Variants in CELF2 observed in about 807,000 individuals in gnomAD.
CELF2 encodes CUG triplet repeat RNA-binding protein 2.
A neutral mutation model predicts 62.6 loss-of-function variants in CELF2; 8 were observed. That is an observed-to-expected ratio of 0.13 (90% CI 0.07 to 0.23). The LOEUF is 0.23. CELF2 is among the 10% of genes least tolerant of loss of function. The pLI is 1.00. For synonymous variants in CELF2, 258 were observed against 250.0 expected (o/e 1.03, Z -0.30); for missense variants, 333 against 671.0 (o/e 0.50, Z 5.56).
chr10:10,476,747 T>G, the CELF2 span, among the ~76,000 whole-genome samples: 1 of 152,186 alleles, frequency 6.6e-6, no homozygotes, highest in Non-Finnish European at 1.5e-5. Flanking sequence ...CTTTGCATAT[T>G]CTTCAATCAT....
chr10:11,205,276 C>A (rs538293850), intron 2 of CELF2, among the ~76,000 whole-genome samples: 11 of 152,264 alleles, frequency 7.2e-5, no homozygotes, highest in Admixed American at 7.2e-4. Context: ...GCGCAGCCTG[C>A]GGCAGGCCTG....
chr10:10,731,165 C>T, the CELF2 span, among the ~76,000 whole-genome samples: 6 of 152,238 alleles, frequency 3.9e-5, no homozygotes, highest in East Asian at 1.2e-3. Context: ...CAGTAGTCCA[C>T]ATCTGAGGCT....
chr10:10,659,312 T>C, the CELF2 span, among the ~76,000 whole-genome samples: 2 of 152,222 alleles, frequency 1.3e-5, no homozygotes, highest in Non-Finnish European at 2.9e-5. Flanking sequence ...CAGTGAATTG[T>C]TTGCTCTTTA....
chr10:10,522,282 T>C, the CELF2 span, among the ~76,000 whole-genome samples: 32 of 152,254 alleles, frequency 2.1e-4, no homozygotes, highest in African/African-American at 7.2e-4. Context: ...TAATTTTTTA[T>C]AACCATTCAT....
At chr10:11,036,587 G>T (rs374585248) in intron 1 of CELF2, among the ~76,000 whole-genome samples, 3 of 152,206 alleles carry the variant, frequency 2.0e-5, no homozygotes, top group Non-Finnish European at 4.4e-5. Context: ...AGAGATCCTA[G>T]ATAAATAAAT....
At chr10:10,690,857 G>A in the CELF2 span, among the ~76,000 whole-genome samples, 8 of 152,192 alleles carry the variant, frequency 5.3e-5, no homozygotes, top group East Asian at 1.5e-3. Context: ...TTCCAGCCTG[G>A]GTGACAGTGA....
chr10:11,044,320 G>A (rs2062416820), intron 1 of CELF2, among the ~76,000 whole-genome samples: 1 of 152,192 alleles, frequency 6.6e-6, no homozygotes, highest in Non-Finnish European at 1.5e-5. Flanking sequence ...TGCATAGCCT[G>A]GATCGGTTCT....
chr10:11,189,910 C>T (rs1404008953), intron 2 of CELF2, among the ~76,000 whole-genome samples: 74 of 152,228 alleles, frequency 4.9e-4, no homozygotes, highest in Admixed American at 4.6e-3. Context: ...TCTTTCTCCT[C>T]TCATTCCCTT....
chr10:10,652,677 G>C, the CELF2 span, among the ~76,000 whole-genome samples: 1 of 151,976 alleles, frequency 6.6e-6, no homozygotes, highest in African/African-American at 2.4e-5. Context: ...AATGCTGAGA[G>C]ATTTTGTCAC....
At chr10:11,249,087 C>T (rs1460664968) in intron 3 of CELF2, 66 bp from the exon 4 acceptor site, 27 of 1,281,778 alleles carry the variant, frequency 2.1e-5, no homozygotes, top group Non-Finnish European at 2.5e-5. Context: ...CGAATTGCTG[C>T]AGATTTCTGA....
the CELF2 span, among the ~76,000 whole-genome samples, chr10:10,556,504 T>C: frequency 6.6e-6 from 1 of 152,240 alleles, no homozygotes; most frequent in African/African-American, 2.4e-5. Flanking sequence ...CGTGTGCGTG[T>C]GTCTTTATAG....
chr10:11,032,805 A>G (rs2060336601), intron 1 of CELF2, among the ~76,000 whole-genome samples: 1 of 152,218 alleles, frequency 6.6e-6, no homozygotes, highest in African/African-American at 2.4e-5. Flanking sequence ...GTCTGACAGG[A>G]TGATATGTCA....
chr10:10,945,661 G>A (rs1009161954), intron 2 of CELF2, among the ~76,000 whole-genome samples: 5 of 152,260 alleles, frequency 3.3e-5, no homozygotes, highest in East Asian at 1.9e-4. Flanking sequence ...CCAGAGCTCC[G>A]GGAGCCCCTC....
In CELF2 at chr10:11,300,668, T is replaced by C. The variant is rs2093630866; in HGVS notation, c.976+12116T>C. Among the ~76,000 whole-genome samples the C allele has an allele frequency of 6.6e-6, 1 of 152,216 alleles. No individual in the cohort carries two copies. Among genetic ancestry groups the C allele is most frequent in the East Asian group, 1.9e-4 (1 of 5,200 alleles). On this transcript the variant is annotated intron_variant, in intron 9 of 12. Coordinates refer to ENST00000633077, the MANE Select transcript of CELF2 (RefSeq NM_001326342.2). This position sits in a 1 kb window ranked among gnomAD's most constrained non-coding sequence, Gnocchi z 5.5. ...TATATTAATGCCCCAGGGTTGTGAT[T>C]GGCTAGTAATGCTAGTGCCTGTGTC...
chr10:11,215,893 G>A (rs1024533196), intron 2 of CELF2, among the ~76,000 whole-genome samples: 5 of 152,086 alleles, frequency 3.3e-5, no homozygotes, highest in Admixed American at 1.3e-4. Flanking sequence ...CTTACATCAC[G>A]CCACTGAAGC....
At chr10:10,530,018 A>T in the CELF2 span, among the ~76,000 whole-genome samples, 1 of 152,144 alleles carries the variant, frequency 6.6e-6, no homozygotes, top group African/African-American at 2.4e-5. Context: ...GTACTCATTG[A>T]TTTTCCCCAC....
chr10:10,918,605 C>G (rs905512000), intron 1 of CELF2, among the ~76,000 whole-genome samples: 4 of 152,084 alleles, frequency 2.6e-5, no homozygotes, highest in African/African-American at 9.7e-5. Flanking sequence ...AGGGAATGTC[C>G]TTTGTTGAGA....
the CELF2 span, among the ~76,000 whole-genome samples, chr10:10,495,869 C>A: frequency 1.3e-5 from 2 of 152,080 alleles, no homozygotes; most frequent in Non-Finnish European, 2.9e-5. Flanking sequence ...TCCACCTGTA[C>A]CAGAAAACAT....
At chr10:10,955,896 G>T (rs1046656303) in intron 2 of CELF2, among the ~76,000 whole-genome samples, 3 of 152,162 alleles carry the variant, frequency 2.0e-5, no homozygotes. Context: ...GAGGCAAAGC[G>T]ACTTGCTAGC....
Sources: gnomAD v4.1 joint callset for allele counts (sites outside exome capture counted in the v4.1 genomes callset) on GRCh38, gnomAD v4.1.1 for gene constraint, Gnocchi (gnomAD v3.1) non-coding constraint, MANE v1.5 for transcripts, NCBI Gene and HGNC (gene_info 2026-07-23, HGNC 2026-07-21) for gene names.